FNDC3A: variants seen among roughly 807,000 people sequenced by gnomAD.
The protein encoded by FNDC3A is fibronectin type III domain containing 3A, also known as fibronectin type-III domain-containing protein 3A.
In FNDC3A, 32 loss-of-function variants were observed where a neutral mutation model predicts 148.9. The observed-to-expected ratio is 0.21, with a 90% CI of 0.16 to 0.29. FNDC3A has a LOEUF of 0.29. Ranked by LOEUF, FNDC3A falls within the 10% of genes least tolerant of loss-of-function variation. The pLI, the probability that FNDC3A is intolerant of heterozygous loss-of-function variation, is 1.00. For missense variants in FNDC3A, 1,191 were observed against 1,452.8 expected (o/e 0.82, Z 2.93); for synonymous variants, 472 against 473.6 (o/e 1.00, Z 0.04).
chr13:49,145,877 G>A lies in FNDC3A; in HGVS notation c.919G>A (p.Gly307Ser). 6.2e-7 allele frequency: 1 copy of A among 1,612,860 alleles called. No individual in the cohort carries two copies. The change falls in exon 8 of 26, where the codon GGT becomes AGT. Residue 307 changes from glycine (G) to serine (S), a missense_variant. This residue lies in a region of FNDC3A where 426 missense variants were observed against 473.2 expected (regional missense o/e 0.90). Coordinates refer to ENST00000492622, the MANE Select transcript of FNDC3A (RefSeq NM_001079673.2). ...TGAAAGTAGTGTACCAGAGCTCTAT[G>A]GTTATGAAGTTCTGATCTCAAGTAC... is the stretch of plus-strand genomic sequence containing the variant. Reference protein sequence around the residue: ...TDESSVPELYGYEVLISSTGK... With the variant: ...TDESSVPELYSYEVLISSTGK...
At chr13:49,001,274 T>C (rs1263496219) in intron 1 of FNDC3A, among the ~76,000 whole-genome samples, 1 of 152,234 alleles carries the variant, frequency 6.6e-6, no homozygotes, top group Non-Finnish European at 1.5e-5. Flanking sequence ...AATACCCTTG[T>C]GATTTCCTGT....
intron 2 of FNDC3A, among the ~76,000 whole-genome samples, chr13:49,060,314 A>G (rs1876573323): frequency 6.6e-6 from 1 of 152,326 alleles, no homozygotes; most frequent in African/African-American, 2.4e-5. Flanking sequence ...ACAAATTGTG[A>G]TATATTCATA....
rs147028298 is a variant in FNDC3A at position 49,044,039 on chromosome 13, A to T, written c.100-31250A>T. Reference sequence around the variant, plus strand: ...AAACCACTGAATAAAAGTAAAATGAATCCCTTAAGTTGCATTCTAATTAGC... The same window carrying T: ...AAACCACTGAATAAAAGTAAAATGATTCCCTTAAGTTGCATTCTAATTAGC... On this transcript the variant is annotated intron_variant, in intron 2 of 25. Transcript: ENST00000492622. 1.9e-3 allele frequency: 298 copies of T among 156,284 alleles called. 2 individuals are homozygous for T. Among genetic ancestry groups the T allele is most frequent in the Admixed American group, 7.0e-3 (109 of 15,590 alleles). The allele number at this position is 156,284 out of a possible 1,614,324, so 9.7% of individuals were successfully genotyped here. A position where few individuals can be genotyped will look rare whatever the true frequency, so the allele number is the denominator to read the frequency against.
rs1886498513 is a variant in FNDC3A at position 49,203,188 on chromosome 13, T to C, written c.3186T>C (p.Ile1062=). The C allele has an allele frequency of 1.9e-6, 3 of 1,603,680 alleles. No homozygotes were observed. Among genetic ancestry groups the C allele is most frequent in the Admixed American group, 1.7e-5 (1 of 59,678 alleles). Residue 1062 remains isoleucine (I), a synonymous_variant, in exon 25 of 26, where the codon ATT becomes ATC. Coordinates refer to ENST00000492622, the MANE Select transcript of FNDC3A (RefSeq NM_001079673.2). ...AAATAGAGAAAGTAAATGATCACAT[T>C]TGTGAAATTACATGGGAGTGTTTAC... ...APKIEKVNDH[I]CEITWECLQP...
At chr13:49,067,366 C>G (rs1299668517) in intron 2 of FNDC3A, among the ~76,000 whole-genome samples, 1 of 152,168 alleles carries the variant, frequency 6.6e-6, no homozygotes, top group Non-Finnish European at 1.5e-5. Context: ...TCTCTCTGTG[C>G]AGATTGTTGG....
At chr13:49,016,533 T>C (rs1388838257) in intron 2 of FNDC3A, among the ~76,000 whole-genome samples, 4 of 152,226 alleles carry the variant, frequency 2.6e-5, no homozygotes, top group Admixed American at 6.5e-5. Flanking sequence ...TCAATCTTGT[T>C]GATCCTTTCA....
chr13:49,086,034 C>T (rs956436373), intron 3 of FNDC3A, among the ~76,000 whole-genome samples: 1 of 152,134 alleles, frequency 6.6e-6, no homozygotes, highest in Non-Finnish European at 1.5e-5. Flanking sequence ...AGGCACTTGC[C>T]ATCATGCCCG....
At chr13:49,107,818 A>C (rs780122627) in intron 3 of FNDC3A, among the ~76,000 whole-genome samples, 7 of 152,204 alleles carry the variant, frequency 4.6e-5, no homozygotes, top group Non-Finnish European at 1.0e-4. Context: ...CAGTGCTGAC[A>C]GCTGAGTTAA....
Position 49,203,147 on chromosome 13 carries a change from T to C in FNDC3A, c.3155-10T>C. ...GTGGAACAGATATTATTTATATTTGTTTCCTACAGCCCCCAAAATAGAGAA... is the reference window on the plus strand; with the variant it reads ...GTGGAACAGATATTATTTATATTTGCTTCCTACAGCCCCCAAAATAGAGAA... On this transcript the variant is annotated splice_polypyrimidine_tract_variant and intron_variant, in intron 24 of 25. Transcript: ENST00000492622. 1.3e-6 allele frequency: 2 copies of C among 1,575,830 alleles called. No individual in the cohort carries two copies. The highest frequency in any genetic ancestry group is 1.7e-6 in the Non-Finnish European group (2 of 1,154,414).
At chr13:49,184,829 A>G (rs1885485175) in intron 14 of FNDC3A, among the ~76,000 whole-genome samples, 1 of 152,136 alleles carries the variant, frequency 6.6e-6, no homozygotes, top group Non-Finnish European at 1.5e-5. Context: ...TGCTTATCAC[A>G]GCAAGGCCTG....
chr13:49,023,906 G>A (rs186635026), intron 2 of FNDC3A, among the ~76,000 whole-genome samples: 30 of 151,826 alleles, frequency 2.0e-4, no homozygotes, highest in South Asian at 1.5e-3. Flanking sequence ...AACTCATAAC[G>A]TTCTCCTTTC....
At chr13:49,204,277 A>G (rs1886547730) in intron 25 of FNDC3A, among the ~76,000 whole-genome samples, 1 of 152,236 alleles carries the variant, frequency 6.6e-6, no homozygotes, top group South Asian at 2.1e-4. Context: ...AAGCTTTTAT[A>G]CCACTCCAAA....
At chr13:49,034,853 A>G (rs75679458) in intron 2 of FNDC3A, among the ~76,000 whole-genome samples, 1 of 152,052 alleles carries the variant, frequency 6.6e-6, no homozygotes, top group Non-Finnish European at 1.5e-5. Flanking sequence ...CAATCCTAAA[A>G]TGAACAAAGT....
intron 25 of FNDC3A, among the ~76,000 whole-genome samples, chr13:49,206,344 TATGCCTAG>T (rs1886644107): frequency 6.6e-6 from 1 of 152,216 alleles, no homozygotes; most frequent in Admixed American, 6.5e-5. Flanking sequence ...GCTTCTTATT[TATGCCTAG>T]TGTTCCATTA....
At chr13:49,136,285 T>C (rs1882351128) in intron 5 of FNDC3A, 47 bp from the exon 6 acceptor site, 1 of 1,507,162 alleles carries the variant, frequency 6.6e-7, no homozygotes, top group Non-Finnish European at 9.1e-7. Flanking sequence ...CATAAACTTA[T>C]TTGGAGAAAG....
intron 3 of FNDC3A, among the ~76,000 whole-genome samples, chr13:49,095,730 T>C (rs1477548864): frequency 6.6e-6 from 1 of 152,082 alleles, no homozygotes; most frequent in Non-Finnish European, 1.5e-5. Context: ...CATTTTTTGA[T>C]TCAGGGAAGT....
intron 3 of FNDC3A, among the ~76,000 whole-genome samples, chr13:49,111,727 A>AG (rs1202092720): frequency 6.8e-6 from 1 of 146,988 alleles, no homozygotes; most frequent in African/African-American, 2.5e-5. Context: ...CTCCGTCTCA[A>AG]AAAAAAAAAA....
chr13:49,161,143 G>A (rs947163406), intron 8 of FNDC3A, among the ~76,000 whole-genome samples: 1 of 152,176 alleles, frequency 6.6e-6, no homozygotes, highest in Non-Finnish European at 1.5e-5. Context: ...GGTCCAGTTG[G>A]TGCAGACTTG....
In FNDC3A at chr13:49,207,258, A is replaced by C; in HGVS notation, c.3460A>C (p.Thr1154Pro). ...TCAGAGGACTGAACCACCAGCCAGC[A>C]CCAACAGAGACACTGTGGAAAGCAC... ...ISQRTEPPAS[T>P]NRDTVESTRT... The change falls in exon 26 of 26, where the codon ACC becomes CCC. Residue 1154 changes from threonine to proline, a missense_variant. Thr to Pro is a conservative substitution (Grantham distance 38). Around this residue, in one of 3 missense-constraint regions of FNDC3A, gnomAD observed 751 missense variants for 944.0 expected, o/e 0.80. Transcript: ENST00000492622. The C allele has an allele frequency of 1.2e-6, 2 of 1,614,202 alleles. No homozygotes were observed.
Sources: allele counts gnomAD v4.1 joint callset (sites outside exome capture counted in the v4.1 genomes callset), GRCh38; gene constraint gnomAD v4.1.1; regional missense constraint gnomAD v4.1.1; transcripts MANE v1.5; gene names NCBI Gene and HGNC (gene_info 2026-07-23, HGNC 2026-07-21).